GPHN: variants seen among roughly 807,000 people sequenced by gnomAD.
GPHN encodes the protein gephyrin.
Under a neutral mutation model 95.5 loss-of-function variants are expected in GPHN, and 17 were observed. The ratio of observed to expected loss-of-function variants is 0.18; its 90% confidence interval spans 0.12 to 0.27. The LOEUF (loss-of-function observed/expected upper bound fraction) is 0.27, where lower values mean the gene tolerates loss of function less well. GPHN is among the 10% of genes least tolerant of loss of function. The probability of loss-of-function intolerance (pLI) is 1.00; values close to 1 mark genes in which losing one functional copy is unlikely to be tolerated. For synonymous variants in GPHN, 320 were observed against 322.5 expected (o/e 0.99, Z 0.08); for missense variants, 660 against 978.1 (o/e 0.67, Z 4.34).
intron 3 of GPHN, among the ~76,000 whole-genome samples, chr14:66,813,278 A>G (rs940550404): frequency 1.3e-5 from 2 of 152,258 alleles, no homozygotes; most frequent in African/African-American, 4.8e-5. Flanking sequence ...GGCAAGGGCA[A>G]GATGGCCAAC....
At chr14:66,540,023 C>T (rs2059296938) in intron 1 of GPHN, among the ~76,000 whole-genome samples, 1 of 152,186 alleles carries the variant, frequency 6.6e-6, no homozygotes, top group Non-Finnish European at 1.5e-5. Flanking sequence ...AAAAGTAATA[C>T]ACAATGTATT....
At chr14:67,106,132 A>G (rs2078028405) in intron 13 of GPHN, among the ~76,000 whole-genome samples, 1 of 152,086 alleles carries the variant, frequency 6.6e-6, no homozygotes, top group Non-Finnish European at 1.5e-5. Context: ...GGGAAAGACT[A>G]TTTCTCCCTC....
At chr14:67,082,006 C>T (rs750111889) in intron 11 of GPHN, among the ~76,000 whole-genome samples, 10 of 151,992 alleles carry the variant, frequency 6.6e-5, no homozygotes, top group East Asian at 1.9e-4. Flanking sequence ...TATGGCCTTA[C>T]GGTATAGTTT....
chr14:67,033,320 T>G (rs1371956128), intron 10 of GPHN, among the ~76,000 whole-genome samples: 1 of 152,022 alleles, frequency 6.6e-6, no homozygotes, highest in Non-Finnish European at 1.5e-5. Context: ...TCCCAACACT[T>G]TGGGAGGCCA....
intron 2 of GPHN, among the ~76,000 whole-genome samples, chr14:66,688,194 T>G (rs2067527426): frequency 6.6e-6 from 1 of 152,174 alleles, no homozygotes; most frequent in African/African-American, 2.4e-5. Flanking sequence ...ATTCACTAAG[T>G]CAAAGTAGAT....
At chr14:67,196,223 C>CTTTTTTTTTTTTTTTTTTTTTTT in the GPHN span, among the ~76,000 whole-genome samples, 1 of 143,118 alleles carries the variant, frequency 7.0e-6, no homozygotes, top group Non-Finnish European at 1.5e-5. Flanking sequence ...TTCTTTCTTT[C>CTTTTTTTTTTTTTTTTTTTTTTT]TTTTTTTTTT....
the GPHN span, among the ~76,000 whole-genome samples, chr14:67,309,940 T>C: frequency 2.0e-5 from 3 of 152,062 alleles, no homozygotes; most frequent in Non-Finnish European, 2.9e-5. Flanking sequence ...TCTGGTAAAA[T>C]TGATCTCTCC....
At chr14:67,413,817 T>C in the GPHN span, among the ~76,000 whole-genome samples, 1 of 152,224 alleles carries the variant, frequency 6.6e-6, no homozygotes, top group Non-Finnish European at 1.5e-5. Context: ...GGTCACCTTC[T>C]GAAGCCAGGC....
At chr14:67,485,577 G>C in the GPHN span, among the ~76,000 whole-genome samples, 2 of 152,226 alleles carry the variant, frequency 1.3e-5, no homozygotes, top group Admixed American at 1.3e-4. Flanking sequence ...CAAAAGCCCA[G>C]CTCTGCCTGC....
intron 10 of GPHN, among the ~76,000 whole-genome samples, chr14:67,053,138 A>C (rs1192943857): frequency 6.6e-6 from 1 of 151,020 alleles, no homozygotes; most frequent in Non-Finnish European, 1.5e-5. Context: ...AGACACGAAA[A>C]ACCTTAAAAA....
intron 3 of GPHN, among the ~76,000 whole-genome samples, chr14:66,820,413 A>G (rs2061144395): frequency 6.6e-6 from 1 of 152,178 alleles, no homozygotes; most frequent in Admixed American, 6.5e-5. Flanking sequence ...AAATTTTATT[A>G]ATGTCCAGTG....
the GPHN span, among the ~76,000 whole-genome samples, chr14:67,301,055 A>G: frequency 6.6e-5 from 10 of 152,174 alleles, no homozygotes; most frequent in African/African-American, 1.7e-4. Context: ...TTTAAAAACT[A>G]TAAAATAGCA....
chr14:66,724,578 G>T (rs1166598231), intron 2 of GPHN, among the ~76,000 whole-genome samples: 1 of 152,146 alleles, frequency 6.6e-6, no homozygotes, highest in African/African-American at 2.4e-5. Flanking sequence ...GGAGGTAGGG[G>T]CTTGGAGAGA....
rs529283335 is a variant in GPHN, at chr14:66,526,811, C to G, written c.64+18220C>G. Among the ~76,000 whole-genome samples the G allele has an allele frequency of 2.6e-5, 4 of 152,132 alleles. No individual in the cohort carries two copies. In the East Asian group the frequency reaches 7.7e-4, roughly 29 times the overall value. On this transcript the variant is annotated intron_variant, in intron 1 of 22. Transcript: ENST00000478722. Reference sequence around the variant, plus strand: ...TGTATATGTTGAACCAGCATTGCATCCCAGGGATGAAGCTGACTTGATCAT... The same window carrying G: ...TGTATATGTTGAACCAGCATTGCATGCCAGGGATGAAGCTGACTTGATCAT...
chr14:67,279,081 G>A, the GPHN span: 3 of 1,115,742 alleles, frequency 2.7e-6, no homozygotes, highest in Non-Finnish European at 3.5e-6. Flanking sequence ...TTTTTTTGAA[G>A]TAACATGGAT....
intron 1 of GPHN, among the ~76,000 whole-genome samples, chr14:66,610,787 G>A (rs1319562259): frequency 2.0e-5 from 3 of 152,102 alleles, no homozygotes; most frequent in South Asian, 4.1e-4. Context: ...CCAATGAGAA[G>A]GGATGGAGAG....
the GPHN span, among the ~76,000 whole-genome samples, chr14:67,707,437 T>C: frequency 6.6e-6 from 1 of 151,820 alleles, no homozygotes; most frequent in Non-Finnish European, 1.5e-5. Flanking sequence ...AGAATATATA[T>C]ATATTTTTTG....
chr14:66,877,185 G>A (rs6573728), intron 4 of GPHN, among the ~76,000 whole-genome samples: 48,269 of 151,884 alleles, frequency 0.32, 12,005 homozygotes, highest in African/African-American at 0.67. Context: ...AAAATTCAGC[G>A]GCACTTCATG....
At chr14:67,493,774 C>T in the GPHN span, among the ~76,000 whole-genome samples, 4 of 152,154 alleles carry the variant, frequency 2.6e-5, no homozygotes, top group African/African-American at 4.8e-5. Context: ...ACAGAGACCA[C>T]AAAAGAGGCA....
Sources: gnomAD v4.1 joint callset for allele counts (sites outside exome capture counted in the v4.1 genomes callset) on GRCh38, gnomAD v4.1.1 for gene constraint, MANE v1.5 for transcripts, NCBI Gene and HGNC (gene_info 2026-07-23, HGNC 2026-07-21) for gene names.